The following DUSP11 variants were observed in gnomAD, a reference collection of about 807,000 sequenced individuals.
DUSP11 encodes the protein dual specificity phosphatase 11, also known as RNA/RNP complex-1-interacting phosphatase.
Under a neutral mutation model 41.4 loss-of-function variants are expected in DUSP11, and 27 were observed. That is an observed-to-expected ratio of 0.65 (90% CI 0.48 to 0.90). The LOEUF (loss-of-function observed/expected upper bound fraction) is 0.90. Ranked by LOEUF, DUSP11 falls within the 40% of genes least tolerant of loss-of-function variation. DUSP11 has a pLI of 0.00. For synonymous variants in DUSP11, 188 were observed against 159.3 expected, an observed-to-expected ratio of 1.18 and a Z score of -1.35; for missense variants, 465 against 461.1, an observed-to-expected ratio of 1.01 and a Z score of -0.08.
intron 4 of DUSP11, chr2:73,773,564 A>G (rs1672625190): frequency 7.0e-6 from 3 of 431,584 alleles, no homozygotes; most frequent in Non-Finnish European, 1.3e-5. Flanking sequence ...ATTAAAAAAG[A>G]AAGATGAGCC....
intron 4 of DUSP11, chr2:73,773,592 G>T: frequency 2.1e-6 from 1 of 470,384 alleles, no homozygotes. Flanking sequence ...TTCATATTTT[G>T]CACTAAAACT....
chr2:73,773,514 G>A, intron 4 of DUSP11: 2 of 355,742 alleles, frequency 5.6e-6, no homozygotes, highest in African/African-American at 2.2e-5. Flanking sequence ...CAATATAGAA[G>A]ACAAAAATAA....
chr2:73,762,797 C>A, exon 9 of DUSP11: 1 of 1,612,230 alleles, frequency 6.2e-7, no homozygotes, highest in Non-Finnish European at 8.5e-7. Context: ...ATAGTCCTCT[C>A]CAGGGGGACC....
At chr2:73,778,044 T>C (rs1257308962) in intron 2 of DUSP11, among the ~76,000 whole-genome samples, 5 of 152,052 alleles carry the variant, frequency 3.3e-5, no homozygotes, top group Non-Finnish European at 7.4e-5. Context: ...CAAACATTTA[T>C]ATATTGAAAT....
chr2:73,774,565 T>C lies in DUSP11; in HGVS notation c.450+348A>G, dbSNP rs367798045. Among the ~76,000 whole-genome samples the C allele has an allele frequency of 1.1e-4, 17 of 152,336 alleles. 1 individual carries two copies. In the East Asian group the frequency reaches 2.1e-3, roughly 19 times the overall value. On this transcript the variant is annotated intron_variant, in intron 3 of 8. Transcript: ENST00000272444. ...TTCCCTTTTCTCCCCACCTCATAGA[T>C]CCTTTAGTCTGCTTTCTGTCTCTGT...
At chr2:73,766,748 G>A (rs1444417063) in intron 7 of DUSP11, 80 bp downstream of exon 7, 1 of 1,383,058 alleles carries the variant, frequency 7.2e-7, no homozygotes, top group East Asian at 2.3e-5. Flanking sequence ...GCTACCAGAA[G>A]AATGAACATA....
intron 1 of DUSP11, chr2:73,779,328 T>A (rs1026607047): frequency 1.9e-5 from 3 of 161,408 alleles, no homozygotes; most frequent in Non-Finnish European, 4.1e-5. Flanking sequence ...GAGGATGGTC[T>A]CAAGGAGTAA....
chr2:73,769,048 A>G (rs1365563204), intron 5 of DUSP11: 1 of 484,466 alleles, frequency 2.1e-6, no homozygotes, highest in Non-Finnish European at 3.6e-6. Context: ...ATGTCTAACT[A>G]TTATACCATT....
intron 8 of DUSP11, among the ~76,000 whole-genome samples, chr2:73,765,698 T>C (rs1009593921): frequency 6.6e-6 from 1 of 152,230 alleles, no homozygotes; most frequent in Non-Finnish European, 1.5e-5. Flanking sequence ...AAAATACTTT[T>C]GTCGTTTTAT....
chr2:73,766,745 G>A, intron 7 of DUSP11, 83 bp downstream of exon 7: 1 of 1,381,042 alleles, frequency 7.2e-7, no homozygotes, highest in Non-Finnish European at 1.0e-6. Context: ...CAAGCTACCA[G>A]AAGAATGAAC....
At chr2:73,772,511 ACTAAGATT>A (rs1672602778) in intron 4 of DUSP11, among the ~76,000 whole-genome samples, 1 of 152,258 alleles carries the variant, frequency 6.6e-6, no homozygotes, top group African/African-American at 2.4e-5. Context: ...AACGTGAACA[ACTAAGATT>A]TAAAAATGTG....
chr2:73,774,652 G>T (rs1453443682), intron 3 of DUSP11, among the ~76,000 whole-genome samples: 7 of 152,046 alleles, frequency 4.6e-5, no homozygotes, highest in Admixed American at 4.6e-4. Flanking sequence ...TCTGTGTCTG[G>T]TTTATTTCAC....
intron 1 of DUSP11, 40 bp from the exon 2 acceptor site, chr2:73,778,416 C>T: frequency 3.1e-6 from 4 of 1,292,612 alleles, no homozygotes; most frequent in Non-Finnish European, 4.2e-6. Flanking sequence ...TGTATGTTAG[C>T]CTTGTTTCCT....
At chr2:73,762,554 T>G in exon 9 of DUSP11, 1 of 803,810 alleles carries the variant, frequency 1.2e-6, no homozygotes. Context: ...CTTGAATACA[T>G]AAGGGAACAA....
At chr2:73,772,342 A>T (rs929237332) in intron 4 of DUSP11, among the ~76,000 whole-genome samples, 1 of 152,158 alleles carries the variant, frequency 6.6e-6, no homozygotes, top group African/African-American at 2.4e-5. Flanking sequence ...TGAGCCTGTT[A>T]TCTGTGGGAA....
At chr2:73,770,851 C>T (rs1195219823) in intron 4 of DUSP11, among the ~76,000 whole-genome samples, 1 of 152,162 alleles carries the variant, frequency 6.6e-6, no homozygotes, top group African/African-American at 2.4e-5. Context: ...TCCCGTTTCT[C>T]CTGCTCTTAC....
rs757971485 is a variant in DUSP11, at chr2:73,766,401, A to G, written c.935+17T>C. ...TTTCTATCTCAATTCTAGAAAAGGGAAAACAGAGAGAGGTACCTGACTGAT... is the reference window on the plus strand; with the variant it reads ...TTTCTATCTCAATTCTAGAAAAGGGGAAACAGAGAGAGGTACCTGACTGAT... On this transcript the variant is annotated intron_variant, in intron 8 of 8. Transcript: ENST00000272444. 6 of 1,589,308 alleles carry G rather than the reference A, an allele frequency of 3.8e-6. No homozygotes were observed. In the East Asian group the frequency reaches 9.0e-5, roughly 24 times the overall value.
chr2:73,778,348 G>A (rs769989768), exon 2 of DUSP11: 21 of 1,549,780 alleles, frequency 1.4e-5, no homozygotes, highest in South Asian at 3.7e-5. Context: ...CCAGGCATCC[G>A]CTGTCCAACT....
intron 2 of DUSP11, 139 bp from the exon 3 acceptor site, chr2:73,775,183 T>C: frequency 2.9e-6 from 2 of 696,828 alleles, no homozygotes; most frequent in Non-Finnish European, 4.5e-6. Context: ...AGAAGGTATA[T>C]TACAACAATC....
Sources: allele counts gnomAD v4.1 joint callset (sites outside exome capture counted in the v4.1 genomes callset), GRCh38; gene constraint gnomAD v4.1.1; transcripts MANE v1.5; gene names NCBI Gene and HGNC (gene_info 2026-07-23, HGNC 2026-07-21).